The following SDK2 variants were observed in gnomAD, a reference collection of about 807,000 sequenced individuals.
The protein encoded by SDK2 is sidekick cell adhesion molecule 2, also known as protein sidekick-2.
A neutral mutation model predicts 253.9 loss-of-function variants in SDK2; 105 were observed. The observed-to-expected ratio is 0.41, with a 90% CI of 0.35 to 0.49. The LOEUF (loss-of-function observed/expected upper bound fraction) is 0.49, where lower values mean the gene tolerates loss of function less well. SDK2 is among the 20% of genes least tolerant of loss of function. SDK2 has a pLI of 0.06. For missense variants in SDK2, 2,608 were observed against 3,003.0 expected (o/e 0.87, Z 3.07); for synonymous variants, 1,249 against 1,234.9 (o/e 1.01, Z -0.24).
At chr17:73,339,026 G>T in intron 44 of SDK2, 86 bp from the exon 45 acceptor site, 1 of 1,167,532 alleles carries the variant, frequency 8.6e-7, no homozygotes, top group Non-Finnish European at 1.3e-6. Context: ...GGGCATTCTG[G>T]TTCAAAACTC....
At chr17:73,574,005 G>T (rs1380541982) in intron 1 of SDK2, among the ~76,000 whole-genome samples, 1 of 152,188 alleles carries the variant, frequency 6.6e-6, no homozygotes. Flanking sequence ...CAGACCTGCT[G>T]GCTTCTTCCT....
At chr17:73,477,189 C>T (rs1435670605) in intron 2 of SDK2, among the ~76,000 whole-genome samples, 2 of 152,172 alleles carry the variant, frequency 1.3e-5, no homozygotes, top group African/African-American at 2.4e-5. Flanking sequence ...TAACAGCACT[C>T]ATTATCCCCA....
chr17:73,423,066 C>T (rs1053035327), intron 14 of SDK2, among the ~76,000 whole-genome samples: 10 of 130,286 alleles, frequency 7.7e-5, no homozygotes, highest in African/African-American at 2.8e-4. Flanking sequence ...AAATGCAATG[C>T]GAATTATGCC....
In SDK2 at chr17:73,565,863, C is replaced by T. The variant is rs561778496; in HGVS notation, c.65-58266G>A. Among the ~76,000 whole-genome samples, 33 of 152,274 alleles carry T rather than the reference C, an allele frequency of 2.2e-4. 1 individual carries two copies. Among genetic ancestry groups the T allele is most frequent in the East Asian group, 1.4e-3 (7 of 5,182 alleles). On this transcript the variant is annotated intron_variant, in intron 1 of 44. Coordinates refer to ENST00000392650, the MANE Select transcript of SDK2 (RefSeq NM_001144952.2). ...TTTTTGAGATGGAGTCTGGCCCTGT[C>T]GCCAGGCTGTAGTGCAATAGCGCAA...
At position 73,434,776 on chromosome 17, in the gene SDK2, G is replaced by A. The variant is rs1469537505; in HGVS notation, c.1195+674C>T. Among the ~76,000 whole-genome samples the A allele has an allele frequency of 1.3e-5, 2 of 152,206 alleles. 1 individual carries two copies. The highest frequency in any genetic ancestry group is 1.3e-4 in the Admixed American group (2 of 15,276). Reference sequence around the variant, plus strand: ...ATCCCTAGTACCTGGGAGTACAGGTGTGTGCCACCCTGCCTGGCTAATTTT... The same window carrying A: ...ATCCCTAGTACCTGGGAGTACAGGTATGTGCCACCCTGCCTGGCTAATTTT... On this transcript the variant is annotated intron_variant, in intron 9 of 44. Transcript: ENST00000392650.
At chr17:73,611,445 C>A (rs1485308013) in intron 1 of SDK2, among the ~76,000 whole-genome samples, 1 of 152,228 alleles carries the variant, frequency 6.6e-6, no homozygotes, top group African/African-American at 2.4e-5. Context: ...AAGGCTGGGG[C>A]CCGCCTCTGT....
intron 27 of SDK2, among the ~76,000 whole-genome samples, chr17:73,392,952 A>G (rs2145501960): frequency 6.6e-6 from 1 of 152,268 alleles, no homozygotes; most frequent in South Asian, 2.1e-4. Flanking sequence ...GTTGAAAAAT[A>G]AAGTAAAACT....
At chr17:73,599,540 AAAATT>A (rs1376330119) in intron 1 of SDK2, among the ~76,000 whole-genome samples, 1 of 151,950 alleles carries the variant, frequency 6.6e-6, no homozygotes, top group African/African-American at 2.4e-5. Context: ...CTCAAAAAAA[AAAATT>A]AAATTAAATA....
intron 1 of SDK2, among the ~76,000 whole-genome samples, chr17:73,602,073 T>C (rs2045850095): frequency 6.6e-6 from 1 of 152,226 alleles, no homozygotes; most frequent in Non-Finnish European, 1.5e-5. Context: ...ACCCAGTTTG[T>C]AGTGCTTCGT....
chr17:73,505,313 T>G (rs2063926038), intron 2 of SDK2, among the ~76,000 whole-genome samples: 1 of 152,204 alleles, frequency 6.6e-6, no homozygotes, highest in Admixed American at 6.5e-5. Flanking sequence ...TGTCTTTAAC[T>G]TCTCTGAGCT....
chr17:73,491,521 C>T (rs544474297), intron 2 of SDK2, among the ~76,000 whole-genome samples: 6 of 152,258 alleles, frequency 3.9e-5, no homozygotes, highest in Middle Eastern at 3.4e-3. Flanking sequence ...TACAGGCGTG[C>T]ACCACTATGC....
chr17:73,432,371 G>A (rs2063332496), intron 10 of SDK2, among the ~76,000 whole-genome samples: 1 of 152,128 alleles, frequency 6.6e-6, no homozygotes, highest in Non-Finnish European at 1.5e-5. Flanking sequence ...CGTAAGGAAG[G>A]GAATCTCCAT....
At position 73,379,429 on chromosome 17, in the gene SDK2, C is replaced by G; in HGVS notation, c.4864+19G>C. 1.9e-6 allele frequency: 3 copies of G among 1,576,872 alleles called. No homozygotes were observed. Among genetic ancestry groups the G allele is most frequent in the Non-Finnish European group, 2.6e-6 (3 of 1,154,408 alleles). Reference sequence around the variant, plus strand: ...CTGGGAAAGGCATGCTGGGGCCGGACAGGGCGGGCGCTGCTCACCTGCCTC... The same window carrying G: ...CTGGGAAAGGCATGCTGGGGCCGGAGAGGGCGGGCGCTGCTCACCTGCCTC... On this transcript the variant is annotated intron_variant, in intron 35 of 44. Coordinates refer to ENST00000392650, the MANE Select transcript of SDK2 (RefSeq NM_001144952.2). The surrounding 1 kb of genome is among the most constrained non-coding windows in gnomAD (Gnocchi z 4.5).
chr17:73,585,066 G>C (rs2045586431), intron 1 of SDK2, among the ~76,000 whole-genome samples: 1 of 152,212 alleles, frequency 6.6e-6, no homozygotes, highest in African/African-American at 2.4e-5. Context: ...TCAGGGGGCA[G>C]TGCCCAGCAC....
chr17:73,559,162 G>T (rs2045189296), intron 1 of SDK2, among the ~76,000 whole-genome samples: 1 of 152,130 alleles, frequency 6.6e-6, no homozygotes, highest in African/African-American at 2.4e-5. Context: ...GCAACACCCA[G>T]ATCCTGAAAG....
rs1307468263 is a variant in SDK2 at position 73,334,792 on chromosome 17, T to C, written c.*3795A>G. 1 of 152,350 alleles carries C rather than the reference T, an allele frequency of 6.6e-6. No individual in the cohort carries two copies. Among genetic ancestry groups the C allele is most frequent in the Non-Finnish European group, 1.5e-5 (1 of 68,202 alleles). 9.4% of individuals were successfully genotyped at this position (152,350 alleles called of 1,614,324 possible). ...CCATGGGTGTCCCTGGATAGGGCCA[T>C]ACAGAGGCACTGGGGAGCGGGTGGC... On this transcript the variant is annotated 3_prime_UTR_variant, in exon 45 of 45. Coordinates refer to ENST00000392650, the MANE Select transcript of SDK2 (RefSeq NM_001144952.2).
chr17:73,343,533 G>A (rs2062457522), intron 44 of SDK2, among the ~76,000 whole-genome samples: 1 of 152,176 alleles, frequency 6.6e-6, no homozygotes, highest in Admixed American at 6.5e-5. Flanking sequence ...GCACAAAGGG[G>A]GCCTTTCAGG....
chr17:73,463,778 T>G (rs796141442), intron 3 of SDK2, among the ~76,000 whole-genome samples: 11 of 152,360 alleles, frequency 7.2e-5, no homozygotes, highest in African/African-American at 2.6e-4. Flanking sequence ...CACGGCTGGA[T>G]GGAATTCTGT....
intron 1 of SDK2, among the ~76,000 whole-genome samples, chr17:73,528,830 C>T (rs1290613416): frequency 6.6e-6 from 1 of 152,188 alleles, no homozygotes; most frequent in Non-Finnish European, 1.5e-5. Context: ...CTGGCCATCC[C>T]CAGGCACAGA....
Sources: allele counts gnomAD v4.1 joint callset (sites outside exome capture counted in the v4.1 genomes callset), GRCh38; gene constraint gnomAD v4.1.1; non-coding constraint Gnocchi (gnomAD v3.1); transcripts MANE v1.5; gene names NCBI Gene and HGNC (gene_info 2026-07-23, HGNC 2026-07-21).